Variants in LRRTM3 observed in about 807,000 individuals in gnomAD.
The protein encoded by LRRTM3 is leucine rich repeat transmembrane neuronal 3, also known as leucine-rich repeat transmembrane neuronal protein 3.
LRRTM3 carries 24 observed loss-of-function variants against 44.7 expected under a neutral mutation model. That is an observed-to-expected ratio of 0.54 (90% CI 0.39 to 0.76). The LOEUF is 0.76. LRRTM3 is among the 30% of genes least tolerant of loss of function. The probability of loss-of-function intolerance (pLI) is 0.00; values close to 1 mark genes in which losing one functional copy is unlikely to be tolerated. For missense variants in LRRTM3, 587 were observed against 702.2 expected (o/e 0.84, Z 1.85); for synonymous variants, 277 against 278.7 (o/e 0.99, Z 0.06).
At chr10:66,981,365 C>CA (rs1850430348) in intron 2 of LRRTM3, among the ~76,000 whole-genome samples, 1 of 152,220 alleles carries the variant, frequency 6.6e-6, no homozygotes, top group South Asian at 2.1e-4. Context: ...TTCATCAGCT[C>CA]ACTCAGGCAT....
intron 2 of LRRTM3, among the ~76,000 whole-genome samples, chr10:66,976,640 T>C (rs1047298861): frequency 1.3e-5 from 2 of 152,208 alleles, no homozygotes; most frequent in Non-Finnish European, 2.9e-5. Flanking sequence ...TCAATACTAA[T>C]CAAACTTACT....
intron 2 of LRRTM3, among the ~76,000 whole-genome samples, chr10:66,948,522 A>G (rs1217294797): frequency 6.6e-6 from 1 of 152,188 alleles, no homozygotes; most frequent in Admixed American, 6.5e-5. Context: ...GCTCTCAATT[A>G]AAGATCTACT....
Position 67,097,635 on chromosome 10 carries a change from A to G in LRRTM3, c.1585A>G (p.Thr529Ala). Residue 529 changes from threonine (T) to alanine (A), a missense_variant, in exon 3 of 3, where the codon ACA becomes GCA. Coordinates refer to ENST00000361320, the MANE Select transcript of LRRTM3 (RefSeq NM_178011.5). Reference protein sequence around the residue: ...VSTFLAYDQPTISYCGVHHEL... With the variant: ...VSTFLAYDQPAISYCGVHHEL... ...AACCTTTCTGGCATACGACCAGCCC[A>G]CAATAAGTTACTGTGGGGTGCATCA... is the stretch of plus-strand genomic sequence containing the variant. 1.2e-6 allele frequency: 2 copies of G among 1,612,664 alleles called. No homozygotes were observed. Among genetic ancestry groups the G allele is most frequent in the Non-Finnish European group, 1.7e-6 (2 of 1,178,986 alleles).
chr10:66,931,505 C>T (rs982318848), intron 2 of LRRTM3, among the ~76,000 whole-genome samples: 1 of 150,324 alleles, frequency 6.7e-6, no homozygotes, highest in Non-Finnish European at 1.5e-5. Context: ...AGTGAACTAC[C>T]TAAGTAGACA....
intron 2 of LRRTM3, among the ~76,000 whole-genome samples, chr10:67,006,797 A>T (rs546039449): frequency 4.0e-5 from 6 of 151,156 alleles, no homozygotes; most frequent in South Asian, 2.1e-4. Context: ...ACAGTCTTAA[A>T]TTTTTTTTTC....
At chr10:66,960,076 T>G (rs922687581) in intron 2 of LRRTM3, among the ~76,000 whole-genome samples, 1 of 152,162 alleles carries the variant, frequency 6.6e-6, no homozygotes, top group East Asian at 1.9e-4. Context: ...ATTTGAAATT[T>G]TTTTTTCTTT....
chr10:67,056,731 T>A (rs955463934), intron 2 of LRRTM3, among the ~76,000 whole-genome samples: 2 of 152,196 alleles, frequency 1.3e-5, no homozygotes, highest in Non-Finnish European at 2.9e-5. Flanking sequence ...TCAAGAGCTA[T>A]AATTAAAATA....
chr10:67,080,228 C>G lies in LRRTM3; in HGVS notation c.1537-17359C>G, dbSNP rs537562130. On this transcript the variant is annotated intron_variant, in intron 2 of 2. Coordinates refer to ENST00000361320, the MANE Select transcript of LRRTM3 (RefSeq NM_178011.5). ...TTTTGCAGGCTAGAGCCATTTTCTG[C>G]TGGATTGGGTTTTGAAATGGTATTT... Among the ~76,000 whole-genome samples the G allele has an allele frequency of 2.0e-5, 3 of 152,260 alleles. No individual in the cohort carries two copies. In the East Asian group the frequency reaches 5.8e-4, roughly 29 times the overall value.
At chr10:66,961,685 A>C (rs1849115961) in intron 2 of LRRTM3, among the ~76,000 whole-genome samples, 1 of 152,160 alleles carries the variant, frequency 6.6e-6, no homozygotes, top group Admixed American at 6.5e-5. Context: ...TGAATTCTAG[A>C]TTTGTATATC....
At chr10:67,024,484 A>C (rs1057180042) in intron 2 of LRRTM3, among the ~76,000 whole-genome samples, 3 of 152,196 alleles carry the variant, frequency 2.0e-5, no homozygotes, top group African/African-American at 7.2e-5. Context: ...TCTGGTGATT[A>C]GGAAGTAAAC....
At position 67,030,981 on chromosome 10, in the gene LRRTM3, G is replaced by T. The variant is rs1853690879; in HGVS notation, c.1537-66606G>T. ...ATTGCATCGCTGCACTCCAGCCTGG[G>T]CAACAAGAGCGAAACTCCGTCTCAA... On this transcript the variant is annotated intron_variant, in intron 2 of 2. Transcript: ENST00000361320. 3.3e-5 allele frequency among the ~76,000 whole-genome samples: 5 copies of T among 152,198 alleles called. No homozygotes were observed. In the South Asian group the frequency reaches 1.0e-3, roughly 32 times the overall value.
intron 2 of LRRTM3, among the ~76,000 whole-genome samples, chr10:66,952,258 G>A (rs1848574518): frequency 6.6e-6 from 1 of 152,114 alleles, no homozygotes; most frequent in African/African-American, 2.4e-5. Context: ...CTATGCAGGG[G>A]ACAGAGCTTC....
At chr10:67,011,274 G>T (rs1852315494) in intron 2 of LRRTM3, among the ~76,000 whole-genome samples, 2 of 151,576 alleles carry the variant, frequency 1.3e-5, no homozygotes, top group African/African-American at 4.9e-5. Flanking sequence ...CCAGCAGACG[G>T]AGGTTGCAGT....
At position 66,928,038 on chromosome 10, in the gene LRRTM3, T is replaced by G. The variant is rs772729619; in HGVS notation, c.1122T>G (p.Ala374=). ...CAGAGAGGTTTGATCTGGCCAGGGC[T>G]CTCCCAAAGCCGACGTTTAAGCCCA... The part of the protein sequence containing the change: ...STTERFDLAR[A]LPKPTFKPKL... The change falls in exon 2 of 3, where the codon GCT becomes GCG. Residue 374 remains alanine (A), a synonymous_variant. Transcript: ENST00000361320. The G allele has an allele frequency of 2.5e-6, 4 of 1,613,858 alleles. No homozygotes were observed. The East Asian group carries it at 6.7e-5, about 27-fold the overall frequency.
intron 2 of LRRTM3, among the ~76,000 whole-genome samples, chr10:67,003,373 G>A (rs1182108692): frequency 6.6e-6 from 1 of 152,012 alleles, no homozygotes; most frequent in African/African-American, 2.4e-5. Flanking sequence ...ACTGTACAAA[G>A]TCTTCAAGCC....
At chr10:67,061,020 T>C (rs2133219046) in intron 2 of LRRTM3, among the ~76,000 whole-genome samples, 1 of 152,212 alleles carries the variant, frequency 6.6e-6, no homozygotes, top group Non-Finnish European at 1.5e-5. Context: ...GAACCTTCCT[T>C]AGTGACTCAA....
At chr10:67,051,465 T>C (rs1183734848) in intron 2 of LRRTM3, among the ~76,000 whole-genome samples, 1 of 2,574 alleles carries the variant, frequency 3.9e-4, no homozygotes, top group Non-Finnish European at 1.7e-3. Context: ...TCTTTTTTCT[T>C]TTTTTTTTTT....
chr10:67,054,734 A>C (rs138298456), intron 2 of LRRTM3: 1 of 152,218 alleles, frequency 6.6e-6, no homozygotes, highest in East Asian at 1.9e-4. Flanking sequence ...TCGAAGTACA[A>C]CACTTCTCAA....
intron 2 of LRRTM3, among the ~76,000 whole-genome samples, chr10:66,993,884 G>A (rs920512299): frequency 6.6e-6 from 1 of 151,928 alleles, no homozygotes; most frequent in Non-Finnish European, 1.5e-5. Flanking sequence ...TTTATTCTTA[G>A]ACAAATTTTT....
Sources: gnomAD v4.1 joint callset for allele counts (sites outside exome capture counted in the v4.1 genomes callset) on GRCh38, gnomAD v4.1.1 for gene constraint, MANE v1.5 for transcripts, NCBI Gene and HGNC (gene_info 2026-07-23, HGNC 2026-07-21) for gene names.